KCNK3: variants seen among roughly 807,000 people sequenced by gnomAD.
KCNK3 encodes potassium two pore domain channel subfamily K member 3, also known as potassium channel subfamily K member 3.
Under a neutral mutation model 27.3 loss-of-function variants are expected in KCNK3, and 9 were observed. The observed-to-expected ratio is 0.33, with a 90% confidence interval of 0.20 to 0.57. The LOEUF is 0.57. Ranked by LOEUF, KCNK3 falls within the 20% of genes least tolerant of loss-of-function variation. The pLI is 0.87. For missense variants in KCNK3, 391 were observed against 577.7 expected (o/e 0.68, Z 3.31); for synonymous variants, 278 against 273.8 (o/e 1.02, Z -0.15).
At chr2:26,709,843 G>A (rs569501201) in intron 1 of KCNK3, among the ~76,000 whole-genome samples, 5 of 152,266 alleles carry the variant, frequency 3.3e-5, no homozygotes, top group African/African-American at 9.6e-5. Flanking sequence ...AGCCGAGTCC[G>A]GGCCTGTCTG....
intron 1 of KCNK3, among the ~76,000 whole-genome samples, chr2:26,727,141 G>A (rs1051068485): frequency 2.6e-5 from 4 of 152,108 alleles, no homozygotes. Context: ...CTCCCTTCCT[G>A]TACACTGGAT....
At chr2:26,725,549 T>C (rs975595783) in intron 1 of KCNK3, among the ~76,000 whole-genome samples, 1 of 152,158 alleles carries the variant, frequency 6.6e-6, no homozygotes, top group Non-Finnish European at 1.5e-5. Context: ...AAGGACGGGA[T>C]GAGAAGCAGC....
Position 26,728,462 on chromosome 2 carries a change from G to A in KCNK3, c.1079G>A (p.Arg360His). ...GGRYSDTPSRRCLCSGAPRSA... is the reference protein window; with the variant it reads ...GGRYSDTPSRHCLCSGAPRSA... ...CGCTACAGCGACACGCCCTCGCGAC[G>A]CTGCCTGTGCAGCGGGGCGCCACGC... The change falls in exon 2 of 2, where the codon CGC becomes CAC. Residue 360 changes from arginine to histidine, a missense_variant. Physicochemically the swap from Arg to His is conservative, Grantham distance 29 (BLOSUM62 0). Coordinates refer to ENST00000302909, the MANE Select transcript of KCNK3 (RefSeq NM_002246.3). 1 of 1,570,022 alleles carries A rather than the reference G, an allele frequency of 6.4e-7. No individual in the cohort carries two copies. Among genetic ancestry groups the A allele is most frequent in the Non-Finnish European group, 8.7e-7 (1 of 1,155,056 alleles).
intron 1 of KCNK3, among the ~76,000 whole-genome samples, chr2:26,694,227 C>T (rs1670206670): frequency 6.6e-6 from 1 of 152,146 alleles, no homozygotes; most frequent in Non-Finnish European, 1.5e-5. Context: ...CTCAAGAGCT[C>T]CTCCCCAGCC....
chr2:26,727,025 T>TG (rs1016026904), intron 1 of KCNK3, among the ~76,000 whole-genome samples: 1 of 152,158 alleles, frequency 6.6e-6, no homozygotes, highest in Non-Finnish European at 1.5e-5. Flanking sequence ...TGTGGCACAG[T>TG]GGGCCAGCTG....
chr2:26,721,003 G>A lies in KCNK3; in HGVS notation c.284-6664G>A, dbSNP rs1038108848. Among the ~76,000 whole-genome samples, 1 of 152,284 alleles carries A rather than the reference G, an allele frequency of 6.6e-6. No homozygotes were observed. ...CTGACCTCATTTTGAAGGGGCCAGA[G>A]GCCACAGTGAAGGCAGGAGCTATGA... On this transcript the variant is annotated intron_variant, in intron 1 of 1. Coordinates refer to ENST00000302909, the MANE Select transcript of KCNK3 (RefSeq NM_002246.3). The surrounding 1 kb of genome is among the most constrained non-coding windows in gnomAD (Gnocchi z 4.3).
intron 1 of KCNK3, chr2:26,724,646 A>G (rs1378957964): frequency 1.0e-5 from 10 of 984,598 alleles, no homozygotes; most frequent in African/African-American, 1.7e-5. Flanking sequence ...GAGGAGGCAC[A>G]TCTAGGCCAG....
intron 1 of KCNK3, among the ~76,000 whole-genome samples, chr2:26,714,599 A>C (rs560710682): frequency 1.4e-5 from 2 of 142,294 alleles, no homozygotes; most frequent in Non-Finnish European, 3.1e-5. Context: ...AAGAGGAGGG[A>C]TGCAGGCAGG....
chr2:26,708,873 C>G (rs1454875989), intron 1 of KCNK3, among the ~76,000 whole-genome samples: 1 of 152,114 alleles, frequency 6.6e-6, no homozygotes, highest in Non-Finnish European at 1.5e-5. Context: ...CCAGGCCACC[C>G]GCAGGTCAAC....
chr2:26,723,936 C>T (rs1447905214), intron 1 of KCNK3, among the ~76,000 whole-genome samples: 2 of 152,210 alleles, frequency 1.3e-5, no homozygotes, highest in African/African-American at 4.8e-5. Context: ...AGGACAGATG[C>T]AGCCCCTCAC....
intron 1 of KCNK3, among the ~76,000 whole-genome samples, chr2:26,697,148 T>C (rs1042862872): frequency 3.9e-5 from 6 of 152,156 alleles, no homozygotes; most frequent in African/African-American, 4.8e-5. Context: ...CCAGATTCAA[T>C]TGGACCTCTC....
intron 1 of KCNK3, among the ~76,000 whole-genome samples, chr2:26,711,260 G>A (rs1445796514): frequency 6.6e-6 from 1 of 152,234 alleles, no homozygotes; most frequent in Non-Finnish European, 1.5e-5. Flanking sequence ...TGGGATGAAT[G>A]AAAGTGACAT....
chr2:26,697,454 G>A (rs374550923), intron 1 of KCNK3, among the ~76,000 whole-genome samples: 20 of 152,290 alleles, frequency 1.3e-4, no homozygotes, highest in African/African-American at 3.8e-4. Context: ...GCAGTGAGCC[G>A]AGATCGCACC....
chr2:26,707,181 C>T (rs1280041582), intron 1 of KCNK3, among the ~76,000 whole-genome samples: 2 of 152,166 alleles, frequency 1.3e-5, no homozygotes, highest in Non-Finnish European at 2.9e-5. Flanking sequence ...ATCAGCACAG[C>T]GAGTCCACTG....
intron 1 of KCNK3, among the ~76,000 whole-genome samples, chr2:26,726,102 C>CAGAGAGAGAG (rs775668682): frequency 3.3e-4 from 45 of 136,232 alleles, no homozygotes; most frequent in African/African-American, 6.8e-4. Context: ...CACACACACA[C>CAGAGAGAGAG]ACACAGAGAG....
At chr2:26,698,274 C>T (rs564043160) in intron 1 of KCNK3, among the ~76,000 whole-genome samples, 3 of 152,004 alleles carry the variant, frequency 2.0e-5, no homozygotes, top group East Asian at 3.9e-4. Flanking sequence ...CAGGCTAGCC[C>T]GTGGGCGTGC....
intron 1 of KCNK3, among the ~76,000 whole-genome samples, chr2:26,706,095 T>C (rs2148258965): frequency 6.6e-6 from 1 of 152,302 alleles, no homozygotes; most frequent in African/African-American, 2.4e-5. Context: ...CTTGTTGGGA[T>C]CTGTATTCCA....
Position 26,729,835 on chromosome 2 carries a change from C to CAA in KCNK3, c.*1283_*1284dup, listed in dbSNP as rs71401508. 0.39 allele frequency: 48,620 copies of CAA among 125,472 alleles called. 11,059 individuals carry two copies. Among genetic ancestry groups the CAA allele is most frequent in the Non-Finnish European group, 0.5 (30,413 of 61,050 alleles). 7.8% of individuals were successfully genotyped at this position (125,472 alleles called of 1,614,324 possible). On this transcript the variant is annotated 3_prime_UTR_variant, in exon 2 of 2. Transcript: ENST00000302909. ...TGGGTGACAGGGCAAGACCCTGTCT[C>CAA]AAAAAAAAAAAAAAAAATGGCAAAG...
chr2:26,729,679 T>TA lies in KCNK3; in HGVS notation c.*1117dup, dbSNP rs1663500452. ...AGTGAGACCCCATCTCTACAAAAAA[T>TA]AAAAAATTAACCAGGTGTGGTGGCA... On this transcript the variant is annotated 3_prime_UTR_variant, in exon 2 of 2. Transcript: ENST00000302909. 1 of 151,640 alleles carries TA rather than the reference T, an allele frequency of 6.6e-6. No individual in the cohort carries two copies. The highest frequency in any genetic ancestry group is 6.6e-5 in the Admixed American group (1 of 15,226). The allele number at this position is 151,640 out of a possible 1,614,324, so 9.4% of individuals were successfully genotyped here. A position where few individuals can be genotyped will look rare whatever the true frequency, so the allele number is the denominator to read the frequency against.
Sources: allele counts gnomAD v4.1 joint callset (sites outside exome capture counted in the v4.1 genomes callset), GRCh38; gene constraint gnomAD v4.1.1; non-coding constraint Gnocchi (gnomAD v3.1); transcripts MANE v1.5; gene names NCBI Gene and HGNC (gene_info 2026-07-23, HGNC 2026-07-21).